The following TMEM163 variants were observed in gnomAD, a reference collection of about 807,000 sequenced individuals.
TMEM163 encodes transmembrane protein 163.
In TMEM163, 17 loss-of-function variants were observed where a neutral mutation model predicts 29.3. The ratio of observed to expected loss-of-function variants is 0.58; its 90% CI spans 0.40 to 0.87. The LOEUF is 0.87. Ranked by LOEUF, TMEM163 falls within the 40% of genes least tolerant of loss-of-function variation. The probability of loss-of-function intolerance (pLI) is 0.00; values close to 1 mark genes in which losing one functional copy is unlikely to be tolerated. For missense variants in TMEM163, 303 were observed against 381.5 expected (o/e 0.79, Z 1.71); for synonymous variants, 157 against 160.6 (o/e 0.98, Z 0.17).
chr2:134,663,647 A>C (rs528178683), intron 2 of TMEM163, among the ~76,000 whole-genome samples: 1 of 152,326 alleles, frequency 6.6e-6, no homozygotes, highest in Admixed American at 6.5e-5. Context: ...TGAATGCTAG[A>C]TGCTCTGCAA....
At chr2:134,637,226 T>C (rs1490903885) in intron 2 of TMEM163, among the ~76,000 whole-genome samples, 1 of 152,124 alleles carries the variant, frequency 6.6e-6, no homozygotes, top group Non-Finnish European at 1.5e-5. Flanking sequence ...GTTGGCACAT[T>C]CTCCCCACGG....
intron 5 of TMEM163, chr2:134,468,969 C>T (rs1027197578): frequency 1.4e-4 from 21 of 152,212 alleles, no homozygotes; most frequent in African/African-American, 5.1e-4. Flanking sequence ...CCCCTGGCAG[C>T]AGCTGGCAGT....
intron 4 of TMEM163, among the ~76,000 whole-genome samples, chr2:134,537,732 T>C (rs1680572745): frequency 6.6e-6 from 1 of 152,188 alleles, no homozygotes; most frequent in Non-Finnish European, 1.5e-5. Flanking sequence ...CCTGACTTTG[T>C]GCCATTAAAA....
chr2:134,628,799 T>G (rs1339490562), intron 2 of TMEM163, among the ~76,000 whole-genome samples: 1 of 152,246 alleles, frequency 6.6e-6, no homozygotes, highest in Non-Finnish European at 1.5e-5. Context: ...TAATAAATCA[T>G]GAGTATAACA....
At chr2:134,520,918 G>A (rs2106495012) in intron 4 of TMEM163, among the ~76,000 whole-genome samples, 1 of 152,086 alleles carries the variant, frequency 6.6e-6, no homozygotes, top group East Asian at 1.9e-4. Flanking sequence ...TTCTTCCATA[G>A]TCTTGCATTA....
chr2:134,626,978 C>T (rs551329819), intron 2 of TMEM163, among the ~76,000 whole-genome samples: 1 of 152,268 alleles, frequency 6.6e-6, no homozygotes, highest in African/African-American at 2.4e-5. Flanking sequence ...CTTACATGCT[C>T]GCCAGCAGCG....
rs144083288 is a variant in TMEM163, at chr2:134,677,257, G to A, written c.322+35943C>T. Among the ~76,000 whole-genome samples, 31 of 152,282 alleles carry A rather than the reference G, an allele frequency of 2.0e-4. 2 individuals carry two copies. The highest frequency in any genetic ancestry group is 6.0e-4 in the African/African-American group (25 of 41,566). The stretch of plus-strand genomic sequence containing the variant: ...AGAGCAGTGAGGCCCGCTGGCCTGC[G>A]ACATGGAGCTATTTTTAAAGGCGTC... On this transcript the variant is annotated intron_variant, in intron 2 of 7. Transcript: ENST00000281924.
At chr2:134,696,400 C>G (rs1176664960) in intron 2 of TMEM163, among the ~76,000 whole-genome samples, 2 of 152,164 alleles carry the variant, frequency 1.3e-5, no homozygotes, top group Non-Finnish European at 2.9e-5. Context: ...CTTTATTCCT[C>G]CATCAACATT....
At chr2:134,642,426 G>C (rs1274849908) in intron 2 of TMEM163, among the ~76,000 whole-genome samples, 1 of 151,948 alleles carries the variant, frequency 6.6e-6, no homozygotes, top group Non-Finnish European at 1.5e-5. Context: ...CACCGCGAAC[G>C]GCCACCAATC....
chr2:134,619,781 A>G (rs188506883), intron 2 of TMEM163, among the ~76,000 whole-genome samples: 159 of 152,352 alleles, frequency 1.0e-3, no homozygotes, highest in African/African-American at 3.5e-3. Flanking sequence ...ATCTTTACAG[A>G]TATCATGATC....
At chr2:134,532,649 G>T (rs1004351822) in intron 4 of TMEM163, among the ~76,000 whole-genome samples, 1 of 152,182 alleles carries the variant, frequency 6.6e-6, no homozygotes, top group Non-Finnish European at 1.5e-5. Flanking sequence ...GTAGTCTATT[G>T]TTTGTAAGCC....
At chr2:134,632,796 G>A (rs1481551606) in intron 2 of TMEM163, among the ~76,000 whole-genome samples, 1 of 151,750 alleles carries the variant, frequency 6.6e-6, no homozygotes, top group Non-Finnish European at 1.5e-5. Flanking sequence ...AGGCTGGAGG[G>A]CAATGGCGGG....
intron 4 of TMEM163, among the ~76,000 whole-genome samples, chr2:134,518,456 G>C (rs1228226232): frequency 2.0e-5 from 3 of 152,132 alleles, no homozygotes; most frequent in Non-Finnish European, 1.5e-5. Flanking sequence ...TTATCATCCT[G>C]CCTGTCCTAG....
At chr2:134,664,335 G>A (rs1268721968) in intron 2 of TMEM163, among the ~76,000 whole-genome samples, 1 of 152,214 alleles carries the variant, frequency 6.6e-6, no homozygotes, top group African/African-American at 2.4e-5. Flanking sequence ...CGGAGGACTG[G>A]TTAAGACGCA....
chr2:134,482,525 G>A (rs1329509334), intron 5 of TMEM163, among the ~76,000 whole-genome samples: 1 of 152,316 alleles, frequency 6.6e-6, no homozygotes, highest in African/African-American at 2.4e-5. Flanking sequence ...GACACTACAT[G>A]TGTTAGAGTA....
At chr2:134,462,766 C>G (rs1490073354) in intron 6 of TMEM163, among the ~76,000 whole-genome samples, 1 of 152,196 alleles carries the variant, frequency 6.6e-6, no homozygotes, top group South Asian at 2.1e-4. Flanking sequence ...GATCGTGTAT[C>G]TGGAATATCT....
At chr2:134,542,497 A>C (rs986561742) in intron 4 of TMEM163, among the ~76,000 whole-genome samples, 2 of 152,138 alleles carry the variant, frequency 1.3e-5, no homozygotes, top group African/African-American at 4.8e-5. Flanking sequence ...CACCTGCTTT[A>C]TCTGTATTTA....
At chr2:134,494,263 T>C (rs1378507169) in intron 5 of TMEM163, among the ~76,000 whole-genome samples, 1 of 152,200 alleles carries the variant, frequency 6.6e-6, no homozygotes, top group African/African-American at 2.4e-5. Context: ...AACAGTAAGA[T>C]GGCACTGATA....
Position 134,678,993 on chromosome 2 carries a change from A to G in TMEM163, c.322+34207T>C, listed in dbSNP as rs143823406. Among the ~76,000 whole-genome samples, 18 of 152,356 alleles carry G rather than the reference A, an allele frequency of 1.2e-4. No individual in the cohort carries two copies. The East Asian group carries it at 3.5e-3, about 29-fold the overall frequency. Reference sequence around the variant, plus strand: ...CTACCTATGTGTATGAAAATAATGGATTTGTCCACAGAGGTGACAATCAAC... The same window carrying G: ...CTACCTATGTGTATGAAAATAATGGGTTTGTCCACAGAGGTGACAATCAAC... On this transcript the variant is annotated intron_variant, in intron 2 of 7. Transcript: ENST00000281924.
Sources: gnomAD v4.1 joint callset for allele counts (sites outside exome capture counted in the v4.1 genomes callset) on GRCh38, gnomAD v4.1.1 for gene constraint, MANE v1.5 for transcripts, NCBI Gene and HGNC (gene_info 2026-07-23, HGNC 2026-07-21) for gene names.